CBFA2T3: variants seen among roughly 807,000 people sequenced by gnomAD.
CBFA2T3 encodes the protein transcriptional corepressor CBFA2T3.
Under a neutral mutation model 58.6 loss-of-function variants are expected in CBFA2T3, and 31 were observed. The ratio of observed to expected loss-of-function variants is 0.53; its 90% CI spans 0.40 to 0.71. The LOEUF is 0.71. Ranked by LOEUF, CBFA2T3 falls within the 30% of genes least tolerant of loss-of-function variation. The pLI, the probability that CBFA2T3 is intolerant of heterozygous loss-of-function variation, is 0.00. For missense variants in CBFA2T3, 1,076 were observed against 963.1 expected (o/e 1.12, Z -1.55); for synonymous variants, 531 against 421.9 (o/e 1.26, Z -3.17).
intron 1 of CBFA2T3, among the ~76,000 whole-genome samples, chr16:88,974,121 C>T (rs962859715): frequency 6.6e-6 from 1 of 152,210 alleles, no homozygotes; most frequent in Admixed American, 6.5e-5. Context: ...AAATCTCTGT[C>T]CCTGGCACCC....
chr16:88,914,163 C>T (rs1366245897), intron 1 of CBFA2T3, among the ~76,000 whole-genome samples: 1 of 152,218 alleles, frequency 6.6e-6, no homozygotes, highest in Non-Finnish European at 1.5e-5. Flanking sequence ...CTCACAAACG[C>T]GGTGGCCAGG....
chr16:88,933,733 C>T (rs1328939893), intron 1 of CBFA2T3, among the ~76,000 whole-genome samples: 1 of 147,588 alleles, frequency 6.8e-6, no homozygotes, highest in African/African-American at 2.5e-5. Flanking sequence ...CCTCTGCACA[C>T]GTCACGTGCC....
At chr16:88,894,045 C>T (rs867592476) in intron 3 of CBFA2T3, among the ~76,000 whole-genome samples, 17 of 152,258 alleles carry the variant, frequency 1.1e-4, no homozygotes, top group Middle Eastern at 3.4e-3. Context: ...GGCTGGCTCC[C>T]GCCTCCTGCA....
intron 5 of CBFA2T3, among the ~76,000 whole-genome samples, chr16:88,888,795 C>T (rs953313104): frequency 2.0e-5 from 3 of 151,788 alleles, no homozygotes; most frequent in African/African-American, 7.3e-5. Flanking sequence ...TCCCACTGGC[C>T]CCGGGCCCCG....
chr16:88,966,757 G>T lies in CBFA2T3; in HGVS notation c.151+9900C>A, dbSNP rs74033224. On this transcript the variant is annotated intron_variant, in intron 1 of 11. Coordinates refer to ENST00000268679, the MANE Select transcript of CBFA2T3 (RefSeq NM_005187.6). ...AGCTGGGTGGGTTGGGGTGGGGGGC[G>T]TCTCCAGTGACTCCCGTGCCCTGGC... Among the ~76,000 whole-genome samples, 272 of 152,274 alleles carry T rather than the reference G, an allele frequency of 1.8e-3. 1 individual carries two copies. Among genetic ancestry groups the T allele is most frequent in the African/African-American group, 6.0e-3 (250 of 41,554 alleles).
chr16:88,943,991 T>C (rs767173709), intron 1 of CBFA2T3, among the ~76,000 whole-genome samples: 9 of 152,022 alleles, frequency 5.9e-5, no homozygotes, highest in African/African-American at 1.2e-4. Flanking sequence ...GGTGTGCCCA[T>C]GGAGCTCCCA....
At chr16:88,898,549 T>G (rs1305462041) in intron 2 of CBFA2T3, among the ~76,000 whole-genome samples, 2 of 152,224 alleles carry the variant, frequency 1.3e-5, no homozygotes, top group African/African-American at 4.8e-5. Context: ...GGCTTCTCTA[T>G]GAGCAGGGGC....
At chr16:88,951,280 C>T (rs1354587530) in intron 1 of CBFA2T3, 2 of 456,586 alleles carry the variant, frequency 4.4e-6, no homozygotes, top group Non-Finnish European at 8.8e-6. Flanking sequence ...TCACCCGTCC[C>T]CTGGACTGGC....
chr16:88,940,477 C>T (rs1971679000), intron 1 of CBFA2T3: 1 of 153,100 alleles, frequency 6.5e-6, no homozygotes, highest in Admixed American at 6.5e-5. Context: ...TGCGCGCCAT[C>T]GCTGCCACCC....
chr16:88,910,683 C>T (rs1970503090), intron 1 of CBFA2T3, among the ~76,000 whole-genome samples: 1 of 152,324 alleles, frequency 6.6e-6, no homozygotes, highest in African/African-American at 2.4e-5. Flanking sequence ...CCCTGAGGGG[C>T]ATGTGAAACA....
chr16:88,897,219 C>T (rs562321165), intron 3 of CBFA2T3, among the ~76,000 whole-genome samples: 11 of 152,340 alleles, frequency 7.2e-5, no homozygotes, highest in Middle Eastern at 3.4e-3. Context: ...AGGAGCTGCA[C>T]GCCAGGCGCG....
intron 1 of CBFA2T3, among the ~76,000 whole-genome samples, chr16:88,903,149 G>GGGCCAC (rs1970166442): frequency 6.6e-6 from 1 of 152,218 alleles, no homozygotes; most frequent in African/African-American, 2.4e-5. Context: ...GATCCACCCA[G>GGGCCAC]GGCCACGGCC....
In CBFA2T3 at chr16:88,900,336, G is replaced by T. The variant is rs59038367; in HGVS notation, c.304+1168C>A. Among the ~76,000 whole-genome samples, 5 of 152,374 alleles carry T rather than the reference G, an allele frequency of 3.3e-5. No individual in the cohort carries two copies. The East Asian group carries it at 9.6e-4, about 29-fold the overall frequency. ...GAGCCAACATCCTACAAACAGGGCC[G>T]CAAATCTGCTGCCTGACCGCACAGC... On this transcript the variant is annotated intron_variant, in intron 2 of 11. Coordinates refer to ENST00000268679, the MANE Select transcript of CBFA2T3 (RefSeq NM_005187.6).
chr16:88,971,536 C>T (rs1446135686), intron 1 of CBFA2T3, among the ~76,000 whole-genome samples: 1 of 151,860 alleles, frequency 6.6e-6, no homozygotes, highest in Non-Finnish European at 1.5e-5. Context: ...GACCTGTGTC[C>T]TGGGCAACTG....
At chr16:88,897,117 C>T (rs1463778216) in intron 3 of CBFA2T3, among the ~76,000 whole-genome samples, 1 of 152,260 alleles carries the variant, frequency 6.6e-6, no homozygotes, top group Non-Finnish European at 1.5e-5. Context: ...CCTCCTGTCA[C>T]CCCTGCTCCT....
rs188936520 is a variant in CBFA2T3, at chr16:88,917,471, G to T, written c.152-15815C>A. Among the ~76,000 whole-genome samples the T allele has an allele frequency of 2.6e-5, 4 of 152,340 alleles. No homozygotes were observed. In the East Asian group the frequency reaches 7.7e-4, roughly 29 times the overall value. On this transcript the variant is annotated intron_variant, in intron 1 of 11. Transcript: ENST00000268679. ...TGCAGGGAAGGCTCAGCTGTCTGCG[G>T]AGGGTCTGGAAACCCCTGGAAACCT...
chr16:88,952,966 TGTCCAGGACCCCCACGCAGGGCCTGTGTC>T (rs1426722780), intron 1 of CBFA2T3, among the ~76,000 whole-genome samples: 22 of 148,018 alleles, frequency 1.5e-4, no homozygotes, highest in East Asian at 4.2e-4. Flanking sequence ...CGAGACGGCA[TGTCCAGGACCCCCACGCAGGGCCTGTGTC>T]GAGACGGCAT....
Position 88,958,206 on chromosome 16 carries a change from C to T in CBFA2T3, c.151+18451G>A, listed in dbSNP as rs117776753. On this transcript the variant is annotated intron_variant, in intron 1 of 11. Coordinates refer to ENST00000268679, the MANE Select transcript of CBFA2T3 (RefSeq NM_005187.6). The surrounding 1 kb of genome is among the most constrained non-coding windows in gnomAD (Gnocchi z 4.0). The stretch of plus-strand genomic sequence containing the variant: ...GGCCTCAGACGGCAGAAACCTATCC[C>T]GAGAGGAAAGGGCCCTGGGCACAGG... Among the ~76,000 whole-genome samples, 2,361 of 152,180 alleles carry T rather than the reference C, an allele frequency of 0.016. 24 individuals are homozygous for T. The highest frequency in any genetic ancestry group is 0.025 in the Non-Finnish European group (1,720 of 67,998).
rs958267299 is a variant in CBFA2T3 at position 88,875,913 on chromosome 16, C to T, written c.*1063G>A. On this transcript the variant is annotated 3_prime_UTR_variant, in exon 12 of 12. Coordinates refer to ENST00000268679, the MANE Select transcript of CBFA2T3 (RefSeq NM_005187.6). ...CATATGGAGACGCAGGCCGGAGCAA[C>T]GGCACACGGACCACGCACACGCGGC... The T allele has an allele frequency of 5.1e-5, 12 of 233,046 alleles. No individual in the cohort carries two copies. Among genetic ancestry groups the T allele is most frequent in the African/African-American group, 1.8e-4 (8 of 45,280 alleles). The allele number at this position is 233,046 out of a possible 1,614,324, so 14.4% of individuals were successfully genotyped here.
Sources: allele counts gnomAD v4.1 joint callset (sites outside exome capture counted in the v4.1 genomes callset), GRCh38; gene constraint gnomAD v4.1.1; non-coding constraint Gnocchi (gnomAD v3.1); transcripts MANE v1.5; gene names NCBI Gene and HGNC (gene_info 2026-07-23, HGNC 2026-07-21).